The following RPTOR variants were observed in gnomAD, a reference collection of about 807,000 sequenced individuals.
The protein encoded by RPTOR is regulatory-associated protein of mTOR.
A neutral mutation model predicts 169.9 loss-of-function variants in RPTOR; 21 were observed. The ratio of observed to expected loss-of-function variants is 0.12; its 90% CI spans 0.09 to 0.18. The LOEUF (loss-of-function observed/expected upper bound fraction) is 0.18, where lower values mean the gene tolerates loss of function less well. Ranked by LOEUF, RPTOR falls within the 10% of genes least tolerant of loss-of-function variation. RPTOR has a pLI of 1.00. For synonymous variants in RPTOR, 732 were observed against 753.2 expected (o/e 0.97, Z 0.46); for missense variants, 1,133 against 1,855.9 (o/e 0.61, Z 7.16).
At chr17:80,709,037 G>A (rs921356997) in intron 4 of RPTOR, 2 of 985,364 alleles carry the variant, frequency 2.0e-6, no homozygotes, top group African/African-American at 3.5e-5. Context: ...GTGAAGCAGT[G>A]TGGGCCCAGA....
intron 7 of RPTOR, among the ~76,000 whole-genome samples, chr17:80,809,707 A>T (rs1031871555): frequency 6.6e-6 from 1 of 152,148 alleles, no homozygotes; most frequent in Non-Finnish European, 1.5e-5. Context: ...ATACATTGTG[A>T]ACATTTTTGC....
intron 3 of RPTOR, among the ~76,000 whole-genome samples, chr17:80,655,845 G>T (rs1340128694): frequency 6.6e-6 from 1 of 152,132 alleles, no homozygotes; most frequent in African/African-American, 2.4e-5. Context: ...CATATGTAAT[G>T]TGTGTAGCTG....
intron 13 of RPTOR, among the ~76,000 whole-genome samples, chr17:80,872,010 C>A (rs1018907368): frequency 6.6e-6 from 1 of 152,174 alleles, no homozygotes; most frequent in African/African-American, 2.4e-5. Context: ...CTAGCGTTCC[C>A]CCTGCTCATC....
chr17:80,764,388 A>T (rs1366254828), intron 6 of RPTOR, among the ~76,000 whole-genome samples: 1 of 141,862 alleles, frequency 7.0e-6, no homozygotes, highest in East Asian at 2.1e-4. Flanking sequence ...TTCAGTTCCC[A>T]CCTATGAGTG....
chr17:80,646,675 G>C lies in RPTOR; in HGVS notation c.348+2865G>C, dbSNP rs115574263. On this transcript the variant is annotated intron_variant, in intron 3 of 33. Coordinates refer to ENST00000306801, the MANE Select transcript of RPTOR (RefSeq NM_020761.3). The surrounding 1 kb of genome is among the most constrained non-coding windows in gnomAD (Gnocchi z 5.0). ...TGAGTTTCTGCAGTAATAAAGAGAG[G>C]TTGATGTGCCATCTGCAATAAAACA... is the stretch of plus-strand genomic sequence containing the variant. Among the ~76,000 whole-genome samples the C allele has an allele frequency of 1.3e-5, 2 of 152,118 alleles. No homozygotes were observed. The highest frequency in any genetic ancestry group is 4.8e-5 in the African/African-American group (2 of 41,414).
At chr17:80,634,404 G>A (rs1372092881) in intron 2 of RPTOR, among the ~76,000 whole-genome samples, 6 of 117,162 alleles carry the variant, frequency 5.1e-5, no homozygotes, top group Non-Finnish European at 9.3e-5. Context: ...TGTGCATACC[G>A]TGTGTGTGTG....
At chr17:80,579,186 GTTTA>G (rs1207365403) in intron 1 of RPTOR, among the ~76,000 whole-genome samples, 3 of 151,810 alleles carry the variant, frequency 2.0e-5, no homozygotes, top group South Asian at 2.1e-4. Context: ...TTATTTATTT[GTTTA>G]TTTATTTATT....
chr17:80,730,530 T>C lies in RPTOR; in HGVS notation c.508-30T>C, dbSNP rs374053847. 125 of 1,607,008 alleles carry C rather than the reference T, an allele frequency of 7.8e-5. No individual in the cohort carries two copies. Among genetic ancestry groups the C allele is most frequent in the Non-Finnish European group, 1.0e-4 (119 of 1,174,026 alleles). Reference sequence around the variant, plus strand: ...GCAGCCCATATTCCTGAGACGCACATGTAACGAGCGCACTTTGTGTGTTTT... The same window carrying C: ...GCAGCCCATATTCCTGAGACGCACACGTAACGAGCGCACTTTGTGTGTTTT... On this transcript the variant is annotated intron_variant, in intron 4 of 33. Transcript: ENST00000306801. The surrounding 1 kb of genome is among the most constrained non-coding windows in gnomAD (Gnocchi z 4.2).
Position 80,562,775 on chromosome 17 carries a change from T to C in RPTOR, c.162+16984T>C, listed in dbSNP as rs1043915550. 6.6e-6 allele frequency among the ~76,000 whole-genome samples: 1 copy of C among 152,134 alleles called. No homozygotes were observed. The highest frequency in any genetic ancestry group is 6.6e-5 in the Admixed American group (1 of 15,264). On this transcript the variant is annotated intron_variant, in intron 1 of 33. Transcript: ENST00000306801. This position sits in a 1 kb window ranked among gnomAD's most constrained non-coding sequence, Gnocchi z 4.4. ...CCCCATCCTGGCAACAGAGCAAGAC[T>C]CTTGTCTCAAAACAAAAAACAAAAA... is the stretch of plus-strand genomic sequence containing the variant.
intron 5 of RPTOR, among the ~76,000 whole-genome samples, chr17:80,744,685 C>T (rs1270522054): frequency 1.9e-5 from 1 of 52,794 alleles, no homozygotes; most frequent in African/African-American, 1.9e-4. Context: ...ACTAGCACAG[C>T]CCTGGCTACT....
chr17:80,628,810 T>C (rs571136001), intron 2 of RPTOR, among the ~76,000 whole-genome samples: 10 of 152,354 alleles, frequency 6.6e-5, no homozygotes, highest in African/African-American at 2.2e-4. Flanking sequence ...TTCTGTGAGC[T>C]TCTTGGATGT....
chr17:80,664,466 C>T (rs1186482158), intron 3 of RPTOR, among the ~76,000 whole-genome samples: 1 of 152,232 alleles, frequency 6.6e-6, no homozygotes, highest in Non-Finnish European at 1.5e-5. Context: ...GCCTCGCTCC[C>T]TGCGCCTGCC....
intron 1 of RPTOR, among the ~76,000 whole-genome samples, chr17:80,590,963 G>T (rs111882256): frequency 2.3e-4 from 35 of 152,098 alleles, no homozygotes; most frequent in African/African-American, 8.2e-4. Flanking sequence ...TTTCTAAAAT[G>T]ATTATCATGT....
intron 6 of RPTOR, among the ~76,000 whole-genome samples, chr17:80,773,320 CAGT>C (rs2066862764): frequency 6.6e-6 from 1 of 152,238 alleles, no homozygotes; most frequent in East Asian, 1.9e-4. Context: ...AGAGACTCTG[CAGT>C]TGCAGCTACA....
In RPTOR at chr17:80,730,013, G is replaced by A. The variant is rs1456496228; in HGVS notation, c.508-547G>A. On this transcript the variant is annotated intron_variant, in intron 4 of 33. Transcript: ENST00000306801. This position sits in a 1 kb window ranked among gnomAD's most constrained non-coding sequence, Gnocchi z 4.2. ...GCTGAACCCAGCGGCAGCTGCGGAG[G>A]AGCCTGGGGCTAGGGATGATGACTT... 1.3e-5 allele frequency among the ~76,000 whole-genome samples: 2 copies of A among 152,252 alleles called. No individual in the cohort carries two copies. Among genetic ancestry groups the A allele is most frequent in the Non-Finnish European group, 2.9e-5 (2 of 68,046 alleles).
intron 9 of RPTOR, among the ~76,000 whole-genome samples, chr17:80,825,655 C>T (rs1209191075): frequency 6.6e-6 from 1 of 152,240 alleles, no homozygotes; most frequent in African/African-American, 2.4e-5. Context: ...CACAGAGGCC[C>T]AGAGAGCCTG....
chr17:80,685,347 C>T (rs1344625544), intron 3 of RPTOR, among the ~76,000 whole-genome samples: 7 of 151,796 alleles, frequency 4.6e-5, no homozygotes, highest in African/African-American at 1.7e-4. Flanking sequence ...GTGATCTTGG[C>T]TCACTACAGC....
chr17:80,839,285 T>C (rs889162368), intron 10 of RPTOR, among the ~76,000 whole-genome samples: 14 of 152,244 alleles, frequency 9.2e-5, no homozygotes, highest in African/African-American at 3.4e-4. Flanking sequence ...CTTTCTTTTT[T>C]ATAATCTTCT....
chr17:80,546,276 A>G lies in RPTOR; in HGVS notation c.162+485A>G, dbSNP rs1036915419. Among the ~76,000 whole-genome samples, 4 of 152,370 alleles carry G rather than the reference A, an allele frequency of 2.6e-5. No homozygotes were observed. In the East Asian group the frequency reaches 7.7e-4, roughly 29 times the overall value. ...TAACAAATTAGTGCAAAGTTATTATAAAGTTACACTGAACTTCATTCTAGT... is the reference window on the plus strand; with the variant it reads ...TAACAAATTAGTGCAAAGTTATTATGAAGTTACACTGAACTTCATTCTAGT... On this transcript the variant is annotated intron_variant, in intron 1 of 33. Coordinates refer to ENST00000306801, the MANE Select transcript of RPTOR (RefSeq NM_020761.3).
Sources: allele counts gnomAD v4.1 joint callset (sites outside exome capture counted in the v4.1 genomes callset), GRCh38; gene constraint gnomAD v4.1.1; non-coding constraint Gnocchi (gnomAD v3.1); transcripts MANE v1.5; gene names NCBI Gene and HGNC (gene_info 2026-07-23, HGNC 2026-07-21).